Variants in OR1J2 observed in about 807,000 individuals in gnomAD.
The protein encoded by OR1J2 is olfactory receptor family 1 subfamily J member 2.
For synonymous variants in OR1J2, 142 were observed against 99.7 expected (o/e 1.42, Z -2.52); for missense variants, 304 against 246.1 (o/e 1.24, Z -1.57).
the OR1J2 span, among the ~76,000 whole-genome samples, chr9:122,497,045 C>T: frequency 6.6e-6 from 1 of 152,150 alleles, no homozygotes; most frequent in Non-Finnish European, 1.5e-5. Context: ...GTCTCCTTCC[C>T]CCCTGTACAT....
chr9:122,553,129 A>G, the OR1J2 span: 9 of 1,442,760 alleles, frequency 6.2e-6, no homozygotes, highest in African/African-American at 1.1e-4. Context: ...GGCCACACAG[A>G]TGCATATCTG....
At chr9:122,525,457 T>A in the OR1J2 span, among the ~76,000 whole-genome samples, 1 of 152,204 alleles carries the variant, frequency 6.6e-6, no homozygotes, top group African/African-American at 2.4e-5. Context: ...AGCCCTTATA[T>A]TTAAAATAAT....
the OR1J2 span, among the ~76,000 whole-genome samples, chr9:122,487,984 C>A: frequency 5.9e-4 from 90 of 152,260 alleles, no homozygotes; most frequent in African/African-American, 1.8e-3. Context: ...TTGACAATGT[C>A]TCAAAAGTAA....
At chr9:122,572,818 C>G in the OR1J2 span, 4 of 152,196 alleles carry the variant, frequency 2.6e-5, no homozygotes, top group African/African-American at 9.6e-5. Flanking sequence ...CCATGTGTCT[C>G]AAGAAGTGGA....
chr9:122,558,311 C>CTTTTTTTTTTTTTTTTTTTT, the OR1J2 span, among the ~76,000 whole-genome samples: 1 of 34,472 alleles, frequency 2.9e-5, no homozygotes, highest in Non-Finnish European at 4.8e-5. Flanking sequence ...TTGGATTTTG[C>CTTTTTTTTTTTTTTTTTTTT]TTTTTTTTTT....
the OR1J2 span, chr9:122,477,743 A>G: frequency 6.2e-7 from 1 of 1,614,158 alleles, no homozygotes; most frequent in South Asian, 1.1e-5. Flanking sequence ...TGGCTAAGGA[A>G]GAAGTACATG....
the OR1J2 span, among the ~76,000 whole-genome samples, chr9:122,558,311 C>CTTT: frequency 8.8e-3 from 304 of 34,470 alleles, 81 homozygotes; most frequent in East Asian, 0.048. Flanking sequence ...TTGGATTTTG[C>CTTT]TTTTTTTTTT....
At chr9:122,518,857 C>G in the OR1J2 span, among the ~76,000 whole-genome samples, 1 of 152,204 alleles carries the variant, frequency 6.6e-6, no homozygotes, top group African/African-American at 2.4e-5. Flanking sequence ...CGTTATCTTA[C>G]GATCCATCTG....
At chr9:122,516,595 G>A (rs544266052), downstream of OR1J2, among the ~76,000 whole-genome samples, 672 of 152,260 alleles carry the variant, frequency 4.4e-3, no homozygotes, top group Non-Finnish European at 6.7e-3. Context: ...GAGCCACCGC[G>A]CCCGGCCCAT....
the OR1J2 span, chr9:122,526,281 G>A: frequency 2.5e-6 from 2 of 793,542 alleles, no homozygotes; most frequent in Admixed American, 5.8e-5. Flanking sequence ...TGGCTAGTGT[G>A]TGGTAGACCC....
the OR1J2 span, chr9:122,554,233 C>T: frequency 1.2e-5 from 14 of 1,188,332 alleles, no homozygotes; most frequent in Admixed American, 3.0e-4. Flanking sequence ...AGTAATTCTA[C>T]TACTGTCATG....
chr9:122,554,299 A>C, the OR1J2 span: 1 of 673,214 alleles, frequency 1.5e-6, no homozygotes, highest in African/African-American at 1.8e-5. Flanking sequence ...AAAAAAAAAA[A>C]AAAGAGTGTT....
the OR1J2 span, among the ~76,000 whole-genome samples, chr9:122,488,546 A>T: frequency 6.6e-6 from 1 of 152,226 alleles, no homozygotes; most frequent in South Asian, 2.1e-4. Context: ...TATTTTCCTC[A>T]TGGGAAACAC....
chr9:122,550,924 G>GA, the OR1J2 span, among the ~76,000 whole-genome samples: 252 of 142,636 alleles, frequency 1.8e-3, no homozygotes, highest in African/African-American at 4.6e-3. Flanking sequence ...AACAATCAGG[G>GA]AAAAAAAAAA....
the OR1J2 span, chr9:122,477,123 A>T: frequency 1.2e-6 from 2 of 1,613,976 alleles, no homozygotes; most frequent in Non-Finnish European, 1.7e-6. Context: ...TGTTCTTGTC[A>T]TTGGTGTTGC....
the OR1J2 span, among the ~76,000 whole-genome samples, chr9:122,462,409 T>A: frequency 6.6e-6 from 1 of 152,210 alleles, no homozygotes; most frequent in Non-Finnish European, 1.5e-5. Flanking sequence ...TTTAGACTAT[T>A]TACATTCAAC....
the OR1J2 span, among the ~76,000 whole-genome samples, chr9:122,483,998 T>C: frequency 1.3e-5 from 2 of 152,172 alleles, no homozygotes; most frequent in Non-Finnish European, 2.9e-5. Context: ...GTGAATGCAC[T>C]GTATATATCA....
At chr9:122,450,161 G>A in the OR1J2 span, among the ~76,000 whole-genome samples, 465 of 152,220 alleles carry the variant, frequency 3.1e-3, no homozygotes, top group African/African-American at 0.011. Context: ...CGTGCATGGT[G>A]GCTCATGCCT....
chr9:122,461,723 T>C, the OR1J2 span, among the ~76,000 whole-genome samples: 3 of 152,166 alleles, frequency 2.0e-5, no homozygotes, highest in Non-Finnish European at 4.4e-5. Flanking sequence ...ATTTGCATGG[T>C]TTTGAGGATT....
Sources: gnomAD v4.1 joint callset for allele counts (sites outside exome capture counted in the v4.1 genomes callset) on GRCh38, gnomAD v4.1.1 for gene constraint, MANE v1.5 for transcripts, NCBI Gene and HGNC (gene_info 2026-07-23, HGNC 2026-07-21) for gene names.